Variants in NOSTRIN observed in about 807,000 individuals in gnomAD.
The protein encoded by NOSTRIN is BM247 homolog.
A neutral mutation model predicts 59.0 loss-of-function variants in NOSTRIN; 63 were observed. The observed-to-expected ratio is 1.07, with a 90% CI of 0.87 to 1.32. NOSTRIN has a LOEUF of 1.32. Ranked by LOEUF, NOSTRIN falls within the 40% of genes most tolerant of loss-of-function variation. The pLI is 0.00. For missense variants in NOSTRIN, 512 were observed against 473.1 expected, an observed-to-expected ratio of 1.08 and a Z score of -0.76; for synonymous variants, 200 against 165.4, an observed-to-expected ratio of 1.21 and a Z score of -1.61.
chr2:168,852,378 C>T (rs1469794171), intron 10 of NOSTRIN, among the ~76,000 whole-genome samples: 1 of 152,124 alleles, frequency 6.6e-6, no homozygotes, highest in African/African-American at 2.4e-5. Context: ...AAGCACGTTG[C>T]CCCTTTGCTA....
chr2:168,850,669 T>G (rs1688707280), intron 8 of NOSTRIN, among the ~76,000 whole-genome samples: 1 of 151,796 alleles, frequency 6.6e-6, no homozygotes, highest in African/African-American at 2.4e-5. Flanking sequence ...TCCTAGCACT[T>G]TGGGAGGCCA....
chr2:168,828,394 A>C lies in NOSTRIN; in HGVS notation c.261-26A>C, dbSNP rs367852480. The stretch of plus-strand genomic sequence containing the variant: ...AGATGTAAACGCTGATATTATGCTT[A>C]TGTGTCTTTTATGTTTTATTTCCAG... On this transcript the variant is annotated intron_variant, in intron 4 of 15. Coordinates refer to ENST00000317647, the MANE Select transcript of NOSTRIN (RefSeq NM_001039724.4). The C allele has an allele frequency of 8.1e-6, 7 of 867,510 alleles. No homozygotes were observed. In the African/African-American group the frequency reaches 8.2e-5, roughly 10 times the overall value. The allele number at this position is 867,510 out of a possible 1,614,324, so 53.7% of individuals were successfully genotyped here. A position where few individuals can be genotyped will look rare whatever the true frequency, so the allele number is the denominator to read the frequency against.
chr2:168,854,875 G>T (rs528085285), intron 10 of NOSTRIN, among the ~76,000 whole-genome samples: 1 of 152,262 alleles, frequency 6.6e-6, no homozygotes, highest in African/African-American at 2.4e-5. Flanking sequence ...ATTCTGGAAA[G>T]AGCATATGTG....
At chr2:168,791,165 C>T (rs898336445) in intron 2 of NOSTRIN, among the ~76,000 whole-genome samples, 1 of 152,078 alleles carries the variant, frequency 6.6e-6, no homozygotes, top group African/African-American at 2.4e-5. Flanking sequence ...ACAACAGTCC[C>T]CAGTGTGTGA....
chr2:168,844,875 GAA>G (rs79074527), intron 8 of NOSTRIN, among the ~76,000 whole-genome samples: 4 of 142,594 alleles, frequency 2.8e-5, no homozygotes, highest in Non-Finnish European at 4.6e-5. Flanking sequence ...GTCTCAAAAA[GAA>G]AAAAAAAAAA....
upstream of NOSTRIN, among the ~76,000 whole-genome samples, chr2:168,798,795 TTCGA>T (rs879348523): frequency 8.5e-6 from 1 of 117,294 alleles, no homozygotes; most frequent in Non-Finnish European, 1.8e-5. Flanking sequence ...GAGGAGATGC[TTCGA>T]TCGATCGATC....
At chr2:168,790,198 T>C (rs1685311731) in intron 2 of NOSTRIN, among the ~76,000 whole-genome samples, 1 of 152,230 alleles carries the variant, frequency 6.6e-6, no homozygotes, top group African/African-American at 2.4e-5. Flanking sequence ...AATAATAACA[T>C]GCTATGGCAA....
intron 7 of NOSTRIN, among the ~76,000 whole-genome samples, chr2:168,841,014 A>T (rs932363923): frequency 1.1e-4 from 16 of 152,182 alleles, no homozygotes; most frequent in African/African-American, 3.9e-4. Context: ...AAATTTTGGG[A>T]GGCTGAGGTA....
chr2:168,859,587 C>CCTCA lies in NOSTRIN; in HGVS notation c.1130_1133dup (p.Gln378HisfsTer8), dbSNP rs1559143291. The CCTCA allele has an allele frequency of 1.2e-6, 2 of 1,614,082 alleles. No individual in the cohort carries two copies. The highest frequency in any genetic ancestry group is 1.7e-6 in the Non-Finnish European group (2 of 1,179,994). ...AATGTTAGCAGAACTTGAGCAAAGA[C>CCTCA]CTCAACCCAGCCATCCTTGTAGTAA... is the stretch of plus-strand genomic sequence containing the variant. On this transcript the variant is annotated frameshift_variant, in exon 13 of 16. Transcript: ENST00000317647. LOFTEE classifies it high-confidence loss of function.
rs567548077 is a variant in NOSTRIN at position 168,819,754 on chromosome 2, C to T, written c.114-4880C>T. 9.2e-5 allele frequency among the ~76,000 whole-genome samples: 14 copies of T among 152,270 alleles called. 1 individual carries two copies. In the South Asian group the frequency reaches 1.7e-3, roughly 18 times the overall value. Reference sequence around the variant, plus strand: ...ATTTGAATGCTAGTTCTAAACCCTTCGGGGTCATCAATAAGTTGCAGGCAG... The same window carrying T: ...ATTTGAATGCTAGTTCTAAACCCTTTGGGGTCATCAATAAGTTGCAGGCAG... On this transcript the variant is annotated intron_variant, in intron 2 of 15. Coordinates refer to ENST00000317647, the MANE Select transcript of NOSTRIN (RefSeq NM_001039724.4).
At chr2:168,811,426 G>C (rs980430938) in intron 1 of NOSTRIN, 141 bp from the exon 2 acceptor site, 5 of 456,244 alleles carry the variant, frequency 1.1e-5, no homozygotes, top group African/African-American at 2.1e-5. Flanking sequence ...CATCCAAAAG[G>C]TATAAATGCC....
rs539308090 is a variant in NOSTRIN at position 168,855,253 on chromosome 2, A to C, written c.856-99A>C. On this transcript the variant is annotated intron_variant, in intron 10 of 15. Transcript: ENST00000317647. ...TTAAAAATTTTGTTTTATTTTATAA[A>C]GTTAAAATTAAATGCAGCCAGTGGA... 7.2e-6 allele frequency: 4 copies of C among 555,056 alleles called. No individual in the cohort carries two copies. In the East Asian group the frequency reaches 1.3e-4, roughly 18 times the overall value. The allele number at this position is 555,056 out of a possible 1,614,324, so 34.4% of individuals were successfully genotyped here.
chr2:168,807,915 G>A (rs2105535751), intron 1 of NOSTRIN, among the ~76,000 whole-genome samples: 1 of 152,308 alleles, frequency 6.6e-6, no homozygotes. Context: ...GTCAATGGAA[G>A]CCATAGACTG....
upstream of NOSTRIN, among the ~76,000 whole-genome samples, chr2:168,797,110 G>T: frequency 1.1e-5 from 1 of 90,160 alleles, no homozygotes. Context: ...TTGGAGACAA[G>T]GTCTCTCTCT....
intron 10 of NOSTRIN, among the ~76,000 whole-genome samples, chr2:168,854,438 A>G (rs1574331962): frequency 6.6e-6 from 1 of 151,976 alleles, no homozygotes; most frequent in East Asian, 1.9e-4. Context: ...ATGTTTAGCA[A>G]CCTCCTCACT....
At chr2:168,853,112 G>A (rs1335008329) in intron 10 of NOSTRIN, among the ~76,000 whole-genome samples, 2 of 152,166 alleles carry the variant, frequency 1.3e-5, no homozygotes, top group Non-Finnish European at 2.9e-5. Flanking sequence ...GGCATGTTCA[G>A]GGAAATTTTT....
intron 8 of NOSTRIN, 199 bp from the exon 9 acceptor site, chr2:168,850,885 G>A (rs1309712107): frequency 1.3e-6 from 1 of 797,066 alleles, no homozygotes; most frequent in Non-Finnish European, 2.1e-6. Context: ...AGAGCCTGGG[G>A]AAAGTGTGTG....
chr2:168,856,664 G>A (rs370967745), intron 11 of NOSTRIN, 26 bp from the exon 12 acceptor site: 46 of 1,606,702 alleles, frequency 2.9e-5, no homozygotes, highest in Admixed American at 2.5e-4. Context: ...TGTGAAAGGT[G>A]ACTGAGAACA....
At position 168,834,211 on chromosome 2, in the gene NOSTRIN, A is replaced by G; in HGVS notation, c.406-16A>G. Reference sequence around the variant, plus strand: ...CTCTGCTCCTTTTTTTCTTGTTTGTATGTTTTTTACTCTAGGCCAAGAAGA... The same window carrying G: ...CTCTGCTCCTTTTTTTCTTGTTTGTGTGTTTTTTACTCTAGGCCAAGAAGA... On this transcript the variant is annotated splice_polypyrimidine_tract_variant and intron_variant, in intron 6 of 15. Transcript: ENST00000317647. The G allele has an allele frequency of 1.2e-6, 1 of 866,988 alleles. No homozygotes were observed. Among genetic ancestry groups the G allele is most frequent in the South Asian group, 1.3e-5 (1 of 75,174 alleles). 53.7% of individuals were successfully genotyped at this position (866,988 alleles called of 1,614,324 possible). A position where few individuals can be genotyped will look rare whatever the true frequency, so the allele number is the denominator to read the frequency against.
Sources: gnomAD v4.1 joint callset for allele counts (sites outside exome capture counted in the v4.1 genomes callset) on GRCh38, gnomAD v4.1.1 for gene constraint, MANE v1.5 for transcripts, NCBI Gene and HGNC (gene_info 2026-07-23, HGNC 2026-07-21) for gene names.